ZNF717: variants seen among roughly 807,000 people sequenced by gnomAD.
ZNF717 encodes zinc finger protein 717.
A neutral mutation model predicts 13.8 loss-of-function variants in ZNF717; 9 were observed. The observed-to-expected ratio is 0.65, with a 90% CI of 0.39 to 1.14. The LOEUF (loss-of-function observed/expected upper bound fraction) is 1.14, where lower values mean the gene tolerates loss of function less well. ZNF717 is among the 50% of genes most tolerant of loss of function. ZNF717 has a pLI of 0.01. For missense variants in ZNF717, 1,040 were observed against 1,080.7 expected, an observed-to-expected ratio of 0.96 and a Z score of 0.53; for synonymous variants, 327 against 364.1, an observed-to-expected ratio of 0.90 and a Z score of 1.16.
chr3:75,739,034 T>G lies in ZNF717; in HGVS notation c.589A>C (p.Thr197Pro). The G allele has an allele frequency of 1.3e-6, 2 of 1,551,574 alleles. No homozygotes were observed. The highest frequency in any genetic ancestry group is 1.7e-6 in the Non-Finnish European group (2 of 1,146,922). Residue 197 changes from threonine (T) to proline (P), a missense_variant, in exon 5 of 5, where the codon ACT (threonine) becomes CCT (proline). Coordinates refer to ENST00000652011, the MANE Select transcript of ZNF717 (RefSeq NM_001290208.3). ...AGAGTTTGAATCTTGTGATGCTGAG[T>G]AAGATGTTCATGATGTCTGTGGGAT... Reference protein sequence around the residue: ...RRSHRHHEHLTQHHKIQTLLQ... With the variant: ...RRSHRHHEHLPQHHKIQTLLQ...
intron 2 of ZNF717, among the ~76,000 whole-genome samples, chr3:75,777,606 G>A (rs1397025283): frequency 6.6e-6 from 1 of 151,892 alleles, no homozygotes; most frequent in Non-Finnish European, 1.5e-5. Flanking sequence ...AACAATGGGA[G>A]TGATTTGCTA....
At chr3:75,731,791 A>G (rs1035634708), downstream of ZNF717, among the ~76,000 whole-genome samples, 2 of 152,236 alleles carry the variant, frequency 1.3e-5, no homozygotes, top group Non-Finnish European at 2.9e-5. Context: ...GAGACTGAAA[A>G]ATCAACAATC....
At chr3:75,772,878 T>G (rs1944011183) in intron 2 of ZNF717, among the ~76,000 whole-genome samples, 1 of 152,246 alleles carries the variant, frequency 6.6e-6, no homozygotes, top group South Asian at 2.1e-4. Context: ...TCAGAGCAGC[T>G]GGGGATTGTG....
intron 2 of ZNF717, among the ~76,000 whole-genome samples, chr3:75,775,270 T>C (rs150811826): frequency 6.6e-6 from 1 of 152,378 alleles, no homozygotes; most frequent in Non-Finnish European, 1.5e-5. Context: ...ACCCTAATTA[T>C]GGTTATTAAG....
rs1441855321 is a variant in ZNF717, at chr3:75,737,194, C to G, written c.2429G>C (p.Gly810Ala). 3.2e-6 allele frequency: 5 copies of G among 1,555,530 alleles called. No individual in the cohort carries two copies. Among genetic ancestry groups the G allele is most frequent in the Middle Eastern group, 1.7e-4 (1 of 5,996 alleles). The change falls in exon 5 of 5, where the codon GGT becomes GCT. Residue 810 changes from glycine (G) to alanine (A), a missense_variant. Transcript: ENST00000652011. The part of the protein sequence containing the change: ...VLTIHQRTHT[G>A]EKPFECKECR... ...TTCTTTACATTCAAATGGCTTCTCA[C>G]CTGTGTGAGTTCTCTGATGTATGGT...
intron 2 of ZNF717, among the ~76,000 whole-genome samples, chr3:75,751,691 T>C (rs1941829390): frequency 7.0e-6 from 1 of 143,622 alleles, no homozygotes; most frequent in African/African-American, 2.6e-5. Flanking sequence ...TGCTGTGTTC[T>C]GAATATTTGC....
downstream of ZNF717, among the ~76,000 whole-genome samples, chr3:75,706,523 C>A (rs1937806019): frequency 6.8e-6 from 1 of 146,856 alleles, no homozygotes; most frequent in Non-Finnish European, 1.5e-5. Flanking sequence ...GGGCCCCAGG[C>A]CTCACAGAGG....
intron 6 of ZNF717, among the ~76,000 whole-genome samples, chr3:75,703,764 G>T (rs1387230767): frequency 6.6e-6 from 1 of 152,310 alleles, no homozygotes; most frequent in Non-Finnish European, 1.5e-5. Flanking sequence ...TCTCCTTGAG[G>T]AGTAGACTTG....
intron 2 of ZNF717, among the ~76,000 whole-genome samples, chr3:75,757,903 A>C (rs1942630341): frequency 6.6e-6 from 1 of 151,508 alleles, no homozygotes; most frequent in South Asian, 2.1e-4. Flanking sequence ...TCACAAGGTC[A>C]GGAATTTGAG....
At chr3:75,713,926 C>G (rs2106842466) in intron 5 of ZNF717, among the ~76,000 whole-genome samples, 1 of 152,278 alleles carries the variant, frequency 6.6e-6, no homozygotes, top group South Asian at 2.1e-4. Flanking sequence ...CATGTGTCCA[C>G]TGGATGGGGG....
At chr3:75,744,462 C>T (rs112628056) in intron 2 of ZNF717, among the ~76,000 whole-genome samples, 10 of 152,258 alleles carry the variant, frequency 6.6e-5, no homozygotes, top group Admixed American at 6.5e-4. Flanking sequence ...GGGCAAACCA[C>T]TGCCCCCAGG....
intron 6 of ZNF717, among the ~76,000 whole-genome samples, chr3:75,696,145 T>G (rs1937600216): frequency 6.6e-6 from 1 of 152,308 alleles, no homozygotes; most frequent in Non-Finnish European, 1.5e-5. Context: ...AAGAAATGCT[T>G]CAGAAAATCA....
chr3:75,727,688 A>G (rs1336781217), downstream of ZNF717, among the ~76,000 whole-genome samples: 1 of 152,238 alleles, frequency 6.6e-6, no homozygotes, highest in Non-Finnish European at 1.5e-5. Context: ...TCCTGTTAAG[A>G]TGTTTATCAA....
intron 2 of ZNF717, among the ~76,000 whole-genome samples, chr3:75,760,104 C>T (rs1460552801): frequency 6.6e-6 from 1 of 152,262 alleles, no homozygotes; most frequent in Non-Finnish European, 1.5e-5. Flanking sequence ...TCTCAGCTCA[C>T]TGCAACCTCC....
exon 6 of ZNF717, chr3:75,730,558 C>G (rs77079546): frequency 1.5e-6 from 1 of 671,370 alleles, no homozygotes; most frequent in Admixed American, 2.1e-5. Flanking sequence ...AGGTCCCATA[C>G]GTAGGGATGT....
chr3:75,784,594 C>G (rs992930856), intron 1 of ZNF717, among the ~76,000 whole-genome samples: 1 of 152,162 alleles, frequency 6.6e-6, no homozygotes, highest in Admixed American at 6.5e-5. Context: ...TCCTGTACCC[C>G]AGACCACACT....
At position 75,737,636 on chromosome 3, in the gene ZNF717, T is replaced by C. The variant is rs1487350049; in HGVS notation, c.1987A>G (p.Thr663Ala). ...CCCGTGTGAGTTCTCTGGTGTATGG[T>C]GAGGAATGACTTGCGATGAAAGGTT... ...GKTFHRKSFL[T>A]IHQRTHTGKN... The change falls in exon 5 of 5, where the codon ACC becomes GCC. Residue 663 changes from threonine (T) to alanine (A), a missense_variant. This residue lies in a region of ZNF717 where 873 missense variants were observed against 832.8 expected (regional missense o/e 1.05). Transcript: ENST00000652011. The C allele has an allele frequency of 1.1e-5, 17 of 1,544,526 alleles. No individual in the cohort carries two copies. Among genetic ancestry groups the C allele is most frequent in the Admixed American group, 2.0e-5 (1 of 50,566 alleles).
rs1231419674 is a variant in ZNF717 at position 75,739,039 on chromosome 3, T to A, written c.584A>T (p.His195Leu). ...ITRRSHRHHE[H>L]LTQHHKIQTL... ...TTGAATCTTGTGATGCTGAGTAAGA[T>A]GTTCATGATGTCTGTGGGATCTCCT... Residue 195 changes from histidine (H) to leucine (L), a missense_variant, in exon 5 of 5, where the codon CAT (histidine) becomes CTT (leucine). By Grantham distance (99) the His-to-Leu change is moderately conservative. This residue lies in a region of ZNF717 where 873 missense variants were observed against 832.8 expected (regional missense o/e 1.05). Coordinates refer to ENST00000652011, the MANE Select transcript of ZNF717 (RefSeq NM_001290208.3). The A allele has an allele frequency of 4.5e-6, 7 of 1,551,624 alleles. No homozygotes were observed. The highest frequency in any genetic ancestry group is 6.1e-6 in the Non-Finnish European group (7 of 1,146,938).
chr3:75,741,592 C>T lies in ZNF717; in HGVS notation c.184+18G>A, dbSNP rs1373592524. On this transcript the variant is annotated intron_variant, in intron 3 of 4. Coordinates refer to ENST00000652011, the MANE Select transcript of ZNF717 (RefSeq NM_001290208.3). ...CAACAAAATACAATCCTGGGAGTTA[C>T]TGGCAAGTTTCACTCACCCAATGAT... 4.3e-5 allele frequency: 68 copies of T among 1,599,648 alleles called. No individual in the cohort carries two copies. Among genetic ancestry groups the T allele is most frequent in the Non-Finnish European group, 5.7e-5 (67 of 1,172,402 alleles).
Sources: gnomAD v4.1 joint callset for allele counts (sites outside exome capture counted in the v4.1 genomes callset) on GRCh38, gnomAD v4.1.1 for gene constraint, gnomAD v4.1.1 regional missense constraint, MANE v1.5 for transcripts, NCBI Gene and HGNC (gene_info 2026-07-23, HGNC 2026-07-21) for gene names.